GRK4: variants seen among roughly 807,000 people sequenced by gnomAD.
GRK4 encodes G protein-coupled receptor kinase 4.
Under a neutral mutation model 77.9 loss-of-function variants are expected in GRK4, and 73 were observed. The ratio of observed to expected loss-of-function variants is 0.94; its 90% CI spans 0.78 to 1.14. GRK4 has a LOEUF of 1.14. Ranked by LOEUF, GRK4 falls within the 50% of genes most tolerant of loss-of-function variation. The probability of loss-of-function intolerance (pLI) is 0.00; values close to 1 mark genes in which losing one functional copy is unlikely to be tolerated. For synonymous variants in GRK4, 257 were observed against 254.4 expected, an observed-to-expected ratio of 1.01 and a Z score of -0.10; for missense variants, 729 against 700.2, an observed-to-expected ratio of 1.04 and a Z score of -0.46.
At chr4:3,025,907 T>A (rs1234098825) in intron 10 of GRK4, among the ~76,000 whole-genome samples, 1 of 152,202 alleles carries the variant, frequency 6.6e-6, no homozygotes, top group Non-Finnish European at 1.5e-5. Flanking sequence ...GTAGACCACA[T>A]GTATTGTCCT....
Position 2,985,984 on chromosome 4 carries a change from C to CAAAA in GRK4, c.148+1393_148+1396dup, listed in dbSNP as rs1181104072. Among the ~76,000 whole-genome samples, 49 of 91,584 alleles carry CAAAA rather than the reference C, an allele frequency of 5.4e-4. 2 individuals are homozygous for CAAAA. Among genetic ancestry groups the CAAAA allele is most frequent in the African/African-American group, 5.3e-4 (14 of 26,272 alleles). 60.1% of individuals were successfully genotyped at this position (91,584 alleles called of 152,430 possible). A position where few individuals can be genotyped will look rare whatever the true frequency, so the allele number is the denominator to read the frequency against. ...TGGGTGACAGAACAAGACTCCGTCT[C>CAAAA]AAAAAAAAAAAAAAAAAAAAGAAGT... On this transcript the variant is annotated intron_variant, in intron 2 of 15. Transcript: ENST00000398052.
At chr4:3,017,322 G>A (rs756631622) in intron 8 of GRK4, among the ~76,000 whole-genome samples, 9 of 152,058 alleles carry the variant, frequency 5.9e-5, no homozygotes, top group Non-Finnish European at 8.8e-5. Flanking sequence ...TCTGTGAGTC[G>A]CCCATCACTC....
Position 3,004,304 on chromosome 4 carries a change from C to G in GRK4, c.413C>G (p.Pro138Arg). 1 of 1,613,038 alleles carries G rather than the reference C, an allele frequency of 6.2e-7. No homozygotes were observed. The highest frequency in any genetic ancestry group is 8.5e-7 in the Non-Finnish European group (1 of 1,179,192). The change falls in exon 5 of 16, where the codon CCT becomes CGT. Residue 138 changes from proline (P) to arginine (R), a missense_variant. Coordinates refer to ENST00000398052, the MANE Select transcript of GRK4 (RefSeq NM_182982.3). ...ECRLGLKEEN[P>R]SKKAFEECTR... ...AGATTGGGACTGAAGGAGGAGAACC[C>G]TTCCAAAAAAGCCTTTGAGGAATGT...
At position 2,992,236 on chromosome 4, in the gene GRK4, G is replaced by T. The variant is rs13305979; in HGVS notation, c.283G>T (p.Asp95Tyr). 3.7e-6 allele frequency: 6 copies of T among 1,610,442 alleles called. No individual in the cohort carries two copies. The highest frequency in any genetic ancestry group is 4.2e-6 in the Non-Finnish European group (5 of 1,177,066). Residue 95 changes from aspartate to tyrosine, a missense_variant, in exon 4 of 16, where the codon GAT becomes TAT. Physicochemically the swap from Asp to Tyr is radical, Grantham distance 160 (BLOSUM62 -3). Coordinates refer to ENST00000398052, the MANE Select transcript of GRK4 (RefSeq NM_182982.3). ...TCAGGCAGAATATGAAGTTGCCGAT[G>T]ATGAGGACCGAAGTGATTGTGGACT... ...DAVAEYEVAD[D>Y]EDRSDCGLSI...
chr4:2,975,177 C>T (rs1187978998), intron 1 of GRK4, among the ~76,000 whole-genome samples: 2 of 152,124 alleles, frequency 1.3e-5, no homozygotes, highest in Non-Finnish European at 2.9e-5. Context: ...GTTGCGCGCA[C>T]CTGTAGTCCC....
At chr4:3,027,576 A>G (rs543052482) in intron 10 of GRK4, among the ~76,000 whole-genome samples, 3 of 152,278 alleles carry the variant, frequency 2.0e-5, no homozygotes, top group Admixed American at 1.3e-4. Context: ...AGTTGATATA[A>G]TATTCATTAT....
intron 1 of GRK4, among the ~76,000 whole-genome samples, chr4:2,979,218 C>A (rs1722097193): frequency 6.7e-6 from 1 of 149,160 alleles, no homozygotes; most frequent in African/African-American, 2.5e-5. Context: ...GAACGAGACT[C>A]CGTCTCAAAA....
At chr4:3,020,667 C>A (rs1198002749) in intron 9 of GRK4, among the ~76,000 whole-genome samples, 1 of 152,148 alleles carries the variant, frequency 6.6e-6, no homozygotes, top group African/African-American at 2.4e-5. Context: ...TGGGTAATTT[C>A]ATTTCCTCCC....
chr4:2,986,960 A>C (rs1219348079), intron 2 of GRK4: 3 of 313,904 alleles, frequency 9.6e-6, no homozygotes, highest in African/African-American at 4.4e-5. Context: ...CTTCTTGAAG[A>C]TATAATTCAT....
At position 3,037,390 on chromosome 4, in the gene GRK4, G is replaced by T. The variant is rs762419096; in HGVS notation, c.1424G>T (p.Cys475Phe). Residue 475 changes from cysteine to phenylalanine, a missense_variant, in exon 14 of 16, where the codon TGT becomes TTT. By Grantham distance (205) the Cys-to-Phe change is radical (BLOSUM62 -2). Coordinates refer to ENST00000398052, the MANE Select transcript of GRK4 (RefSeq NM_182982.3). ...GCTACACAGCCTCATGCCGTTTACT[G>T]TAAGGACGTCCTGGATATCGAGCAG... ...PFCPDPHAVY[C>F]KDVLDIEQFS... 5 of 1,605,840 alleles carry T rather than the reference G, an allele frequency of 3.1e-6. No individual in the cohort carries two copies. Among genetic ancestry groups the T allele is most frequent in the Non-Finnish European group, 4.3e-6 (5 of 1,173,470 alleles).
At chr4:2,997,662 C>G (rs1010514025) in intron 4 of GRK4, among the ~76,000 whole-genome samples, 1 of 152,146 alleles carries the variant, frequency 6.6e-6, no homozygotes, top group Non-Finnish European at 1.5e-5. Context: ...GTAATTCCAG[C>G]ACTTTGGGAG....
At chr4:2,989,408 G>A (rs987659113) in intron 3 of GRK4, among the ~76,000 whole-genome samples, 5 of 152,108 alleles carry the variant, frequency 3.3e-5, no homozygotes, top group Admixed American at 1.3e-4. Flanking sequence ...AGATGATAAT[G>A]CTTTTTTTAT....
In GRK4 at chr4:2,964,032, C is replaced by G. The variant is rs780304364; in HGVS notation, c.-39C>G. 3.1e-6 allele frequency: 5 copies of G among 1,590,794 alleles called. No individual in the cohort carries two copies. The highest frequency in any genetic ancestry group is 1.1e-5 in the South Asian group (1 of 88,816). On this transcript the variant is annotated 5_prime_UTR_variant, in exon 1 of 16. Coordinates refer to ENST00000398052, the MANE Select transcript of GRK4 (RefSeq NM_182982.3). Reference sequence around the variant, plus strand: ...TCCTGTTCCGCCTCCTCAGTCTCCTCGGTCTCGCAGAATCCGCCGGCGGCG... The same window carrying G: ...TCCTGTTCCGCCTCCTCAGTCTCCTGGGTCTCGCAGAATCCGCCGGCGGCG...
In GRK4 at chr4:2,991,189, T is replaced by C. The variant is rs148253046; in HGVS notation, c.262-1026T>C. On this transcript the variant is annotated intron_variant, in intron 3 of 15. Transcript: ENST00000398052. The stretch of plus-strand genomic sequence containing the variant: ...CGTCAGAAGGGGCATGGTAGGACTC[T>C]CCAGTAATGGGCTGAAGCTGCCGTC... Among the ~76,000 whole-genome samples, 40 of 152,314 alleles carry C rather than the reference T, an allele frequency of 2.6e-4. 1 individual carries two copies. The highest frequency in any genetic ancestry group is 7.5e-4 in the African/African-American group (31 of 41,582).
At chr4:2,988,594 C>CAACAAG in intron 2 of GRK4, 133 bp from the exon 3 acceptor site, 1 of 558,510 alleles carries the variant, frequency 1.8e-6, no homozygotes, top group Non-Finnish European at 3.3e-6. Flanking sequence ...ACAACAACAA[C>CAACAAG]AAGATGAAAA....
chr4:2,984,749 G>GA (rs1012893864), intron 2 of GRK4, 141 bp downstream of exon 2: 29 of 412,374 alleles, frequency 7.0e-5, no homozygotes, highest in African/African-American at 1.7e-4. Flanking sequence ...TTCCTCTCAG[G>GA]AAAAAAAATC....
intron 4 of GRK4, among the ~76,000 whole-genome samples, chr4:3,002,771 A>G (rs1730214987): frequency 6.6e-6 from 1 of 152,040 alleles, no homozygotes; most frequent in Non-Finnish European, 1.5e-5. Context: ...AGGTAGGAGG[A>G]TTGCATGAGC....
At chr4:2,985,816 G>T in intron 2 of GRK4, 1 of 216,896 alleles carries the variant, frequency 4.6e-6, no homozygotes. Context: ...GGCTAACACG[G>T]TGAAACTCCG....
At chr4:2,989,690 A>C (rs1213497490) in intron 3 of GRK4, among the ~76,000 whole-genome samples, 2 of 152,250 alleles carry the variant, frequency 1.3e-5, no homozygotes, top group Non-Finnish European at 2.9e-5. Flanking sequence ...GCTTTAACCC[A>C]GAAGCATATG....
Sources: gnomAD v4.1 joint callset for allele counts (sites outside exome capture counted in the v4.1 genomes callset) on GRCh38, gnomAD v4.1.1 for gene constraint, MANE v1.5 for transcripts, NCBI Gene and HGNC (gene_info 2026-07-23, HGNC 2026-07-21) for gene names.